The following ERBB4 variants were observed in gnomAD, a reference collection of about 807,000 sequenced individuals.
ERBB4 encodes the protein erb-b2 receptor tyrosine kinase 4.
A neutral mutation model predicts 158.0 loss-of-function variants in ERBB4; 42 were observed. The ratio of observed to expected loss-of-function variants is 0.27; its 90% CI spans 0.21 to 0.34. The LOEUF (loss-of-function observed/expected upper bound fraction) is 0.34. Ranked by LOEUF, ERBB4 falls within the 10% of genes least tolerant of loss-of-function variation. The pLI, the probability that ERBB4 is intolerant of heterozygous loss-of-function variation, is 1.00. For synonymous variants in ERBB4, 583 were observed against 558.7 expected (o/e 1.04, Z -0.61); for missense variants, 1,333 against 1,624.1 (o/e 0.82, Z 3.08).
intron 3 of ERBB4, among the ~76,000 whole-genome samples, chr2:211,882,170 C>A (rs932847398): frequency 6.6e-6 from 1 of 152,040 alleles, no homozygotes; most frequent in Non-Finnish European, 1.5e-5. Context: ...TCAGCTCCTT[C>A]TCATTTTTAC....
chr2:211,743,669 C>T (rs1303247488), intron 5 of ERBB4, among the ~76,000 whole-genome samples: 1 of 152,120 alleles, frequency 6.6e-6, no homozygotes, highest in Non-Finnish European at 1.5e-5. Context: ...ACCTGTAAGC[C>T]TGCTAAATAA....
intron 3 of ERBB4, among the ~76,000 whole-genome samples, chr2:211,803,512 A>G (rs996943540): frequency 6.6e-6 from 1 of 152,150 alleles, no homozygotes; most frequent in African/African-American, 2.4e-5. Context: ...GAGTAGAACT[A>G]TGGCAAACTG....
chr2:211,564,876 T>A (rs540423451), intron 19 of ERBB4, among the ~76,000 whole-genome samples: 1 of 152,198 alleles, frequency 6.6e-6, no homozygotes, highest in Non-Finnish European at 1.5e-5. Context: ...ATAGAATGCC[T>A]GATGAACTTA....
chr2:211,759,918 T>C (rs1396758242), intron 4 of ERBB4, among the ~76,000 whole-genome samples: 1 of 152,134 alleles, frequency 6.6e-6, no homozygotes, highest in East Asian at 1.9e-4. Flanking sequence ...CCTAAACATT[T>C]TGGATGATAT....
intron 2 of ERBB4, among the ~76,000 whole-genome samples, chr2:212,028,771 G>A (rs2076833084): frequency 6.6e-6 from 1 of 152,060 alleles, no homozygotes; most frequent in African/African-American, 2.4e-5. Context: ...TTACAGTGGT[G>A]CTCACCCTTG....
chr2:212,076,467 C>T (rs963139700), intron 2 of ERBB4, among the ~76,000 whole-genome samples: 1 of 151,860 alleles, frequency 6.6e-6, no homozygotes, highest in African/African-American at 2.4e-5. Context: ...AACGAGGCTA[C>T]ACATCAGAAA....
chr2:211,863,781 G>A (rs536628243), intron 3 of ERBB4, among the ~76,000 whole-genome samples: 16 of 152,184 alleles, frequency 1.1e-4, no homozygotes, highest in East Asian at 9.7e-4. Flanking sequence ...AGAACCCACC[G>A]GAAGGAAAAA....
At chr2:212,351,473 A>G (rs2089249088) in intron 1 of ERBB4, among the ~76,000 whole-genome samples, 2 of 152,190 alleles carry the variant, frequency 1.3e-5, no homozygotes, top group Admixed American at 6.6e-5. Context: ...GAGTTGCTTC[A>G]AACAGTGTGT....
At chr2:212,467,730 T>A (rs975243791) in intron 1 of ERBB4, among the ~76,000 whole-genome samples, 2 of 152,180 alleles carry the variant, frequency 1.3e-5, no homozygotes, top group Non-Finnish European at 2.9e-5. Flanking sequence ...CAGTTCCTAC[T>A]GGGGCACCAC....
In ERBB4 at chr2:211,560,624, C is replaced by A. The variant is rs371756483; in HGVS notation, c.2487+1279G>T. ...TAGTCCTAGAATGATTTGATAAGTT[C>A]TATTGCATATTTAACTCACCTTATA... On this transcript the variant is annotated intron_variant, in intron 20 of 27. Transcript: ENST00000342788. Among the ~76,000 whole-genome samples the A allele has an allele frequency of 5.1e-4, 77 of 152,122 alleles. 1 individual carries two copies. The highest frequency in any genetic ancestry group is 1.7e-3 in the African/African-American group (70 of 41,486).
chr2:212,142,584 C>T (rs919016220), intron 1 of ERBB4, among the ~76,000 whole-genome samples: 2 of 146,452 alleles, frequency 1.4e-5, no homozygotes, highest in African/African-American at 2.5e-5. Context: ...ATAAAGGACA[C>T]ATTATATATA....
At chr2:212,017,789 G>A (rs1281458345) in intron 2 of ERBB4, among the ~76,000 whole-genome samples, 4 of 151,994 alleles carry the variant, frequency 2.6e-5, no homozygotes, top group Admixed American at 2.6e-4. Context: ...CCAAATAGAT[G>A]GTTTGCCTCT....
At chr2:212,052,988 C>T (rs1371133727) in intron 2 of ERBB4, among the ~76,000 whole-genome samples, 1 of 152,094 alleles carries the variant, frequency 6.6e-6, no homozygotes, top group Non-Finnish European at 1.5e-5. Flanking sequence ...GGACCTGGAC[C>T]AAATGTGGGG....
chr2:212,001,774 T>C, intron 2 of ERBB4, among the ~76,000 whole-genome samples: 1 of 152,196 alleles, frequency 6.6e-6, no homozygotes, highest in Non-Finnish European at 1.5e-5. Context: ...GGAAACATTA[T>C]GAGGCATTTA....
intron 1 of ERBB4, among the ~76,000 whole-genome samples, chr2:212,142,726 T>C (rs1204200651): frequency 6.6e-6 from 1 of 151,650 alleles, no homozygotes; most frequent in South Asian, 2.1e-4. Context: ...AATGAGACTC[T>C]TCATTTAGGC....
intron 3 of ERBB4, among the ~76,000 whole-genome samples, chr2:211,805,409 T>C (rs982017685): frequency 6.6e-6 from 1 of 152,086 alleles, no homozygotes; most frequent in African/African-American, 2.4e-5. Flanking sequence ...AAAAATAATA[T>C]AAAAGGGTGT....
chr2:211,390,856 A>T (rs1243877647), intron 25 of ERBB4, among the ~76,000 whole-genome samples: 1 of 152,152 alleles, frequency 6.6e-6, no homozygotes, highest in Non-Finnish European at 1.5e-5. Context: ...TGCTAAGCAA[A>T]ACCCCTTTAG....
chr2:211,831,307 T>A (rs2077214185), intron 3 of ERBB4, among the ~76,000 whole-genome samples: 1 of 152,158 alleles, frequency 6.6e-6, no homozygotes, highest in South Asian at 2.1e-4. Flanking sequence ...AAATAGATGT[T>A]TTACTCATGA....
At chr2:212,104,271 T>C (rs2079162334) in intron 2 of ERBB4, among the ~76,000 whole-genome samples, 3 of 152,214 alleles carry the variant, frequency 2.0e-5, no homozygotes, top group Admixed American at 6.5e-5. Flanking sequence ...CATCTTGGGA[T>C]CCCTAGCAGG....
Sources: allele counts gnomAD v4.1 joint callset (sites outside exome capture counted in the v4.1 genomes callset), GRCh38; gene constraint gnomAD v4.1.1; transcripts MANE v1.5; gene names NCBI Gene and HGNC (gene_info 2026-07-23, HGNC 2026-07-21).